TIAM1: variants seen among roughly 807,000 people sequenced by gnomAD.
The protein encoded by TIAM1 is TIAM Rac1 associated GEF 1.
A neutral mutation model predicts 163.5 loss-of-function variants in TIAM1; 65 were observed. The ratio of observed to expected loss-of-function variants is 0.40; its 90% CI spans 0.33 to 0.49. TIAM1 has a LOEUF of 0.49. Among genes scored for constraint, TIAM1 ranks in the 20% least tolerant of loss-of-function variants. TIAM1 has a pLI of 0.77. For synonymous variants in TIAM1, 833 were observed against 810.1 expected (o/e 1.03, Z -0.48); for missense variants, 1,789 against 2,044.7 (o/e 0.87, Z 2.41).
chr21:31,551,802 G>A (rs552822852), intron 1 of TIAM1, among the ~76,000 whole-genome samples: 10 of 152,210 alleles, frequency 6.6e-5, no homozygotes, highest in Admixed American at 1.3e-4. Context: ...AAGTAGGTGA[G>A]ATGCAATTGC....
chr21:31,210,151 T>C lies in TIAM1; in HGVS notation c.2282A>G (p.His761Arg), dbSNP rs1314656984. The change falls in exon 11 of 28, where the codon CAC (histidine) becomes CGC (arginine). Residue 761 changes from histidine (H) to arginine (R), a missense_variant. Physicochemically the swap from His to Arg is conservative, Grantham distance 29 (BLOSUM62 0). Coordinates refer to ENST00000541036, the MANE Select transcript of TIAM1 (RefSeq NM_001353694.2). ...GAACCAGGATGGAGTGAAATACTCG[T>C]GGACCCAAATGTCGCAGTCAGGGTT... ...QHNPDCDIWV[H>R]EYFTPSWFCL... 6.2e-7 allele frequency: 1 copy of C among 1,614,020 alleles called. No individual in the cohort carries two copies. Among genetic ancestry groups the C allele is most frequent in the Non-Finnish European group, 8.5e-7 (1 of 1,180,030 alleles).
rs1173032269 is a variant in TIAM1, at chr21:31,164,610, T to C, written c.2991+352A>G. Among the ~76,000 whole-genome samples, 5 of 152,180 alleles carry C rather than the reference T, an allele frequency of 3.3e-5. No homozygotes were observed. The East Asian group carries it at 7.7e-4, about 23-fold the overall frequency. On this transcript the variant is annotated intron_variant, in intron 16 of 27. Transcript: ENST00000541036. ...AGAAACCCTAAGTAGCAAGAAAGCA[T>C]AGCTGACTCAATCCCACATACTTTT...
intron 4 of TIAM1, among the ~76,000 whole-genome samples, chr21:31,265,468 C>T (rs774164888): frequency 3.3e-5 from 5 of 151,902 alleles, no homozygotes; most frequent in African/African-American, 7.3e-5. Flanking sequence ...TGGCCAGCAT[C>T]GCACGGAACA....
chr21:31,262,617 G>C (rs1435048370), intron 4 of TIAM1, among the ~76,000 whole-genome samples: 3 of 152,140 alleles, frequency 2.0e-5, no homozygotes, highest in African/African-American at 7.2e-5. Flanking sequence ...ACTTAAATGT[G>C]AACTCCTGTG....
chr21:31,217,588 A>G lies in TIAM1; in HGVS notation c.2107T>C (p.Ser703Pro). ...CTTGGCCGTCCCTGCTTCTTTTTGG[A>G]GGTAGTATCCAGACCCCACAGAGAA... The part of the protein sequence containing the change: ...FSSLWGLDTT[S>P]KKKQGRPSIN... Residue 703 changes from serine to proline, a missense_variant, in exon 9 of 28, where the codon TCC becomes CCC. By Grantham distance (74) the Ser-to-Pro change is moderately conservative. This residue lies in a region of TIAM1 where 456 missense variants were observed against 586.6 expected (regional missense o/e 0.78). Coordinates refer to ENST00000541036, the MANE Select transcript of TIAM1 (RefSeq NM_001353694.2). The G allele has an allele frequency of 6.2e-7, 1 of 1,613,492 alleles. No homozygotes were observed. Among genetic ancestry groups the G allele is most frequent in the Non-Finnish European group, 8.5e-7 (1 of 1,179,770 alleles).
rs140273781 is a variant in TIAM1 at position 31,373,824 on chromosome 21, C to A, written c.-368-34402G>T. 2.6e-3 allele frequency among the ~76,000 whole-genome samples: 403 copies of A among 152,240 alleles called. 1 individual carries two copies. Among genetic ancestry groups the A allele is most frequent in the Non-Finnish European group, 4.5e-3 (304 of 68,014 alleles). On this transcript the variant is annotated intron_variant, in intron 2 of 28. Coordinates refer to the TIAM1 transcript ENST00000286827. ...CTAGCCATGCGTCTACATAAATATACTTCCTTTTCCCCCATCGTTTAAATC... is the reference window on the plus strand; with the variant it reads ...CTAGCCATGCGTCTACATAAATATAATTCCTTTTCCCCCATCGTTTAAATC...
chr21:31,295,166 A>C (rs1221198967), intron 2 of TIAM1, among the ~76,000 whole-genome samples: 1 of 152,194 alleles, frequency 6.6e-6, no homozygotes, highest in East Asian at 1.9e-4. Flanking sequence ...GGAAGGTTTA[A>C]GACTTCTTAA....
intron 2 of TIAM1, among the ~76,000 whole-genome samples, chr21:31,364,831 T>C (rs566488993): frequency 5.9e-5 from 9 of 152,304 alleles, no homozygotes; most frequent in African/African-American, 2.2e-4. Flanking sequence ...ACCATAATTG[T>C]TGAGTAATGG....
At chr21:31,533,379 G>A (rs911109675) in intron 1 of TIAM1, among the ~76,000 whole-genome samples, 1 of 152,116 alleles carries the variant, frequency 6.6e-6, no homozygotes, top group East Asian at 1.9e-4. Context: ...AAGTTAAAAG[G>A]TTAAACAGAA....
At chr21:31,142,940 G>A (rs892038619) in intron 20 of TIAM1, among the ~76,000 whole-genome samples, 1 of 152,148 alleles carries the variant, frequency 6.6e-6, no homozygotes, top group Non-Finnish European at 1.5e-5. Flanking sequence ...ACGAAGCCGT[G>A]GCTAATGTCT....
intron 6 of TIAM1, among the ~76,000 whole-genome samples, chr21:31,228,218 TTTAAAAAAAAAAAAAAAAA>T (rs2088116586): frequency 5.3e-5 from 1 of 19,040 alleles, no homozygotes; most frequent in Non-Finnish European, 1.1e-4. Flanking sequence ...GCCTCCTTTT[TTTAAAAAAAAAAAAAAAAA>T]AAAAAAAAAA....
intron 1 of TIAM1, among the ~76,000 whole-genome samples, chr21:31,484,561 C>CAA (rs2046212565): frequency 6.6e-6 from 1 of 152,198 alleles, no homozygotes; most frequent in South Asian, 2.1e-4. Context: ...GCTGAAAGAG[C>CAA]AAACTACTAT....
chr21:31,230,677 T>C (rs2088360948), intron 6 of TIAM1, among the ~76,000 whole-genome samples: 1 of 152,084 alleles, frequency 6.6e-6, no homozygotes, highest in African/African-American at 2.4e-5. Flanking sequence ...TACAGGCTAC[T>C]AGGGAGCCAC....
chr21:31,496,620 A>T (rs1044671326), intron 1 of TIAM1, among the ~76,000 whole-genome samples: 6 of 149,504 alleles, frequency 4.0e-5, no homozygotes, highest in South Asian at 2.1e-4. Context: ...AGAAAAAAAA[A>T]TTTTTATACA....
chr21:31,533,768 A>C (rs1222592254), intron 1 of TIAM1, among the ~76,000 whole-genome samples: 3 of 152,304 alleles, frequency 2.0e-5, no homozygotes, highest in Non-Finnish European at 4.4e-5. Flanking sequence ...CTGAGATAGC[A>C]AACATTCTTC....
At chr21:31,331,767 G>A (rs1225120855) in intron 2 of TIAM1, among the ~76,000 whole-genome samples, 2 of 152,162 alleles carry the variant, frequency 1.3e-5, no homozygotes, top group African/African-American at 4.8e-5. Context: ...GAAGCCTGGT[G>A]GATACACAGA....
intron 2 of TIAM1, among the ~76,000 whole-genome samples, chr21:31,450,819 T>G (rs982284551): frequency 6.6e-6 from 1 of 152,118 alleles, no homozygotes; most frequent in African/African-American, 2.4e-5. Context: ...CTCATGAGAC[T>G]TATTCACTAC....
chr21:31,185,116 T>C (rs2085217361), intron 14 of TIAM1, among the ~76,000 whole-genome samples: 1 of 152,150 alleles, frequency 6.6e-6, no homozygotes, highest in African/African-American at 2.4e-5. Flanking sequence ...TTGATCTGGA[T>C]GTGTTGATCT....
At chr21:31,193,011 C>T (rs1286451183) in intron 13 of TIAM1, among the ~76,000 whole-genome samples, 3 of 152,168 alleles carry the variant, frequency 2.0e-5, no homozygotes, top group African/African-American at 7.2e-5. Context: ...AACCTCGCCA[C>T]TCCTGACTGA....
Sources: allele counts gnomAD v4.1 joint callset (sites outside exome capture counted in the v4.1 genomes callset), GRCh38; gene constraint gnomAD v4.1.1; regional missense constraint gnomAD v4.1.1; transcripts MANE v1.5; gene names NCBI Gene and HGNC (gene_info 2026-07-23, HGNC 2026-07-21).